The following ATP6V0A4 variants were observed in gnomAD, a reference collection of about 807,000 sequenced individuals.
ATP6V0A4 encodes the protein ATPase H+ transporting V0 subunit a4.
A neutral mutation model predicts 107.3 loss-of-function variants in ATP6V0A4; 86 were observed. That is an observed-to-expected ratio of 0.80 (90% confidence interval 0.67 to 0.96). The LOEUF is 0.96. ATP6V0A4 is among the 40% of genes least tolerant of loss of function. ATP6V0A4 has a pLI of 0.00. For missense variants in ATP6V0A4, 908 were observed against 1,045.6 expected (o/e 0.87, Z 1.81); for synonymous variants, 353 against 381.4 (o/e 0.93, Z 0.87).
At chr7:138,717,573 A>C (rs1161787239) in intron 19 of ATP6V0A4, among the ~76,000 whole-genome samples, 1 of 151,456 alleles carries the variant, frequency 6.6e-6, no homozygotes, top group Non-Finnish European at 1.5e-5. Context: ...AAAAGAAAAG[A>C]AAGAGGCGCT....
At chr7:138,742,407 A>G (rs945390496) in intron 14 of ATP6V0A4, among the ~76,000 whole-genome samples, 2 of 152,350 alleles carry the variant, frequency 1.3e-5, no homozygotes, top group East Asian at 3.9e-4. Flanking sequence ...AGCTTGGGCC[A>G]CAGAACGAGA....
chr7:138,783,905 A>C (rs1303982727), intron 2 of ATP6V0A4, among the ~76,000 whole-genome samples: 1 of 152,126 alleles, frequency 6.6e-6, no homozygotes, highest in Non-Finnish European at 1.5e-5. Context: ...GAAACAGGCC[A>C]AGCATTAGCA....
At chr7:138,735,214 A>G (rs2122664) in intron 15 of ATP6V0A4, among the ~76,000 whole-genome samples, 124,265 of 152,022 alleles carry the variant, frequency 0.82, 50,849 homozygotes, top group East Asian at 0.98. Context: ...ACTAATATTC[A>G]TCTTCCCCAT....
chr7:138,768,939 G>A, intron 4 of ATP6V0A4, 65 bp from the exon 5 acceptor site: 6 of 1,602,824 alleles, frequency 3.7e-6, no homozygotes, highest in Middle Eastern at 1.7e-4. Context: ...AAGAAATGAG[G>A]TCAAGCAAGA....
In ATP6V0A4 at chr7:138,797,159, CCT is replaced by C. The variant is rs78638284; in HGVS notation, c.-121+873_-121+874del. Among the ~76,000 whole-genome samples, 884 of 151,960 alleles carry C rather than the reference CCT, an allele frequency of 5.8e-3. 32 individuals carry two copies. The highest frequency in any genetic ancestry group is 0.033 in the East Asian group (171 of 5,162). ...CTATAATGCCATCTTCCCCTCTCCC[CCT>C]GTCAAAATTCTAGCCATCCTTCAAG... On this transcript the variant is annotated intron_variant, in intron 1 of 21. Coordinates refer to ENST00000310018, the MANE Select transcript of ATP6V0A4 (RefSeq NM_020632.3).
intron 2 of ATP6V0A4, among the ~76,000 whole-genome samples, chr7:138,784,976 T>C (rs936030250): frequency 5.9e-5 from 9 of 152,192 alleles, no homozygotes; most frequent in African/African-American, 2.2e-4. Flanking sequence ...GCTTCCTGTG[T>C]TCTCATATCC....
intron 18 of ATP6V0A4, among the ~76,000 whole-genome samples, chr7:138,726,280 T>C (rs13223647): frequency 0.096 from 14,582 of 152,286 alleles, 778 homozygotes; most frequent in Middle Eastern, 0.16. Context: ...TGAGCCACCG[T>C]GCCCGGCCGA....
At chr7:138,737,127 T>TATATATATATATATATATATATATA (rs1365519910) in intron 15 of ATP6V0A4, among the ~76,000 whole-genome samples, 22 of 131,502 alleles carry the variant, frequency 1.7e-4, no homozygotes, top group African/African-American at 6.1e-4. Context: ...TATATATATA[T>TATATATATATATATATATATATATA]GATACAAACT....
intron 18 of ATP6V0A4, 193 bp from the exon 19 acceptor site, chr7:138,722,218 T>A: frequency 3.8e-6 from 2 of 522,628 alleles, no homozygotes; most frequent in Non-Finnish European, 4.9e-6. Flanking sequence ...TCTAGAGAAG[T>A]AAGCTGCAGC....
chr7:138,707,336 A>ATT (rs1554386005), intron 21 of ATP6V0A4, among the ~76,000 whole-genome samples: 1 of 66,826 alleles, frequency 1.5e-5, no homozygotes, highest in African/African-American at 6.6e-5. Context: ...TTATATTTAT[A>ATT]ATATATATAT....
At chr7:138,762,549 T>A (rs1806876973) in intron 6 of ATP6V0A4, 115 bp from the exon 7 acceptor site, 1 of 1,528,986 alleles carries the variant, frequency 6.5e-7, no homozygotes, top group African/African-American at 1.4e-5. Flanking sequence ...CACAAAAAGT[T>A]AACAGAAGTC....
At chr7:138,708,017 TTTTATTTATTTATTTATTTATTTA>T (rs377141085) in intron 21 of ATP6V0A4, among the ~76,000 whole-genome samples, 3 of 139,954 alleles carry the variant, frequency 2.1e-5, no homozygotes, top group Admixed American at 7.1e-5. Flanking sequence ...TTATGTTTTA[TTTTATTTATTTATTTATTTATTTA>T]TTTATTTATT....
intron 5 of ATP6V0A4, among the ~76,000 whole-genome samples, chr7:138,764,735 G>T (rs921159060): frequency 6.6e-6 from 1 of 152,182 alleles, no homozygotes; most frequent in African/African-American, 2.4e-5. Flanking sequence ...ACCTATTAAA[G>T]AAGAGATTAT....
chr7:138,736,561 GT>G (rs973339550), intron 15 of ATP6V0A4, among the ~76,000 whole-genome samples: 2 of 151,814 alleles, frequency 1.3e-5, no homozygotes, highest in African/African-American at 4.8e-5. Flanking sequence ...TAGGGCTGCT[GT>G]TTTTTTTATT....
At chr7:138,722,792 C>CTCATGCCT (rs1296171057) in intron 18 of ATP6V0A4, among the ~76,000 whole-genome samples, 1 of 142,086 alleles carries the variant, frequency 7.0e-6, no homozygotes, top group Non-Finnish European at 1.5e-5. Context: ...GGCACAGTGG[C>CTCATGCCT]TCATGCCTAT....
chr7:138,747,422 C>A lies in ATP6V0A4; in HGVS notation c.1320+3G>T, dbSNP rs1329894210. 2.5e-6 allele frequency: 4 copies of A among 1,613,968 alleles called. No individual in the cohort carries two copies. The highest frequency in any genetic ancestry group is 3.4e-6 in the Non-Finnish European group (4 of 1,179,968). On this transcript the variant is annotated splice_donor_region_variant and intron_variant, in intron 13 of 21. Transcript: ENST00000310018. The stretch of plus-strand genomic sequence containing the variant: ...CAGGGCAAGACGGTCAATGGACACT[C>A]ACCTCATTGTCTGTCTTCTGGGAGA...
intron 1 of ATP6V0A4, among the ~76,000 whole-genome samples, chr7:138,792,254 C>A (rs10252266): frequency 6.6e-6 from 1 of 152,018 alleles, no homozygotes; most frequent in Non-Finnish European, 1.5e-5. Context: ...TGCAGTGAGC[C>A]GAGATAGCGC....
intron 8 of ATP6V0A4, among the ~76,000 whole-genome samples, chr7:138,758,410 A>G (rs58440371): frequency 0.058 from 8,775 of 152,188 alleles, 809 homozygotes; most frequent in African/African-American, 0.19. Context: ...AATTTCACTT[A>G]TTTTAAAGTT....
chr7:138,756,746 T>A, intron 8 of ATP6V0A4: 1 of 229,506 alleles, frequency 4.4e-6, no homozygotes, highest in Non-Finnish European at 7.2e-6. Flanking sequence ...AATGCAGCCT[T>A]AAGGTGACAG....
Sources: allele counts gnomAD v4.1 joint callset (sites outside exome capture counted in the v4.1 genomes callset), GRCh38; gene constraint gnomAD v4.1.1; transcripts MANE v1.5; gene names NCBI Gene and HGNC (gene_info 2026-07-23, HGNC 2026-07-21).